The following GRID2 variants were observed in gnomAD, a reference collection of about 807,000 sequenced individuals.
GRID2 encodes the protein glutamate receptor ionotropic, delta-2.
A neutral mutation model predicts 114.8 loss-of-function variants in GRID2; 33 were observed. The ratio of observed to expected loss-of-function variants is 0.29; its 90% CI spans 0.22 to 0.38. GRID2 has a LOEUF of 0.38. Among genes scored for constraint, GRID2 ranks in the 10% least tolerant of loss-of-function variants. The pLI is 1.00. For synonymous variants in GRID2, 505 were observed against 449.9 expected, an observed-to-expected ratio of 1.12 and a Z score of -1.55; for missense variants, 1,184 against 1,257.7, an observed-to-expected ratio of 0.94 and a Z score of 0.89.
At chr4:92,981,233 A>T (rs1349789046) in intron 2 of GRID2, among the ~76,000 whole-genome samples, 1 of 152,074 alleles carries the variant, frequency 6.6e-6, no homozygotes, top group Non-Finnish European at 1.5e-5. Context: ...ATACGTCTTA[A>T]GATATTGACA....
intron 2 of GRID2, among the ~76,000 whole-genome samples, chr4:92,638,238 A>C (rs1414533034): frequency 6.6e-6 from 1 of 151,562 alleles, no homozygotes; most frequent in East Asian, 1.9e-4. Context: ...GCTGTTGCTC[A>C]CATTTTAAAT....
intron 1 of GRID2, among the ~76,000 whole-genome samples, chr4:92,566,956 T>G (rs984527932): frequency 6.6e-6 from 1 of 152,040 alleles, no homozygotes; most frequent in Non-Finnish European, 1.5e-5. Context: ...GAGATTTGTT[T>G]CACTGTGATT....
At chr4:93,378,397 T>C (rs1205719536) in intron 8 of GRID2, among the ~76,000 whole-genome samples, 1 of 152,086 alleles carries the variant, frequency 6.6e-6, no homozygotes, top group Non-Finnish European at 1.5e-5. Flanking sequence ...ATCTATATCC[T>C]ATAAGGAAAG....
At chr4:92,458,211 T>C (rs1721313094) in intron 1 of GRID2, among the ~76,000 whole-genome samples, 1 of 152,096 alleles carries the variant, frequency 6.6e-6, no homozygotes, top group African/African-American at 2.4e-5. Flanking sequence ...GAAGCTAAAT[T>C]TTGCAAAAAT....
intron 2 of GRID2, among the ~76,000 whole-genome samples, chr4:92,828,221 T>G (rs1283473327): frequency 6.6e-6 from 1 of 152,086 alleles, no homozygotes; most frequent in East Asian, 1.9e-4. Flanking sequence ...CCAGGTCCAC[T>G]TTGACTCTTC....
chr4:92,822,088 C>A, intron 2 of GRID2: 1 of 313,124 alleles, frequency 3.2e-6, no homozygotes, highest in Admixed American at 4.5e-5. Context: ...GGAGTCTCTG[C>A]CTTGCTGCAG....
intron 13 of GRID2, among the ~76,000 whole-genome samples, chr4:93,607,046 A>T (rs568822373): frequency 6.6e-6 from 1 of 152,104 alleles, no homozygotes; most frequent in Non-Finnish European, 1.5e-5. Flanking sequence ...CACACATGTA[A>T]TTTTCATAAA....
chr4:92,705,475 T>C (rs1734910166), intron 2 of GRID2, among the ~76,000 whole-genome samples: 1 of 152,206 alleles, frequency 6.6e-6, no homozygotes, highest in Non-Finnish European at 1.5e-5. Context: ...TTTGACACTC[T>C]GGGGCATACT....
At chr4:92,746,875 C>T (rs2149335452) in intron 2 of GRID2, among the ~76,000 whole-genome samples, 1 of 152,158 alleles carries the variant, frequency 6.6e-6, no homozygotes, top group Non-Finnish European at 1.5e-5. Context: ...TCCTTTAACC[C>T]ATCGGGCCTA....
At chr4:92,897,329 C>T (rs1228476229) in intron 2 of GRID2, among the ~76,000 whole-genome samples, 2 of 152,072 alleles carry the variant, frequency 1.3e-5, no homozygotes, top group African/African-American at 4.8e-5. Flanking sequence ...CTCTTTAATA[C>T]TATTCAGATT....
chr4:93,262,922 C>T (rs993888250), intron 8 of GRID2, among the ~76,000 whole-genome samples: 2 of 151,554 alleles, frequency 1.3e-5, no homozygotes, highest in Admixed American at 6.6e-5. Context: ...CCGTTTTACT[C>T]TTTCACCAGA....
chr4:93,560,244 A>AC (rs1560753746), intron 13 of GRID2, among the ~76,000 whole-genome samples: 1 of 150,360 alleles, frequency 6.7e-6, no homozygotes, highest in Non-Finnish European at 1.5e-5. Flanking sequence ...AAAAAAAAAA[A>AC]AAAAAAAAAC....
chr4:93,311,607 A>G (rs534546127), intron 8 of GRID2, among the ~76,000 whole-genome samples: 9 of 152,348 alleles, frequency 5.9e-5, no homozygotes, highest in South Asian at 2.1e-4. Context: ...GAGAGCATCA[A>G]TGAGAAAAGA....
At chr4:93,295,590 C>T (rs1471196030) in intron 8 of GRID2, among the ~76,000 whole-genome samples, 1 of 151,784 alleles carries the variant, frequency 6.6e-6, no homozygotes, top group African/African-American at 2.4e-5. Context: ...TCCTCTTCCT[C>T]CTCCTCCTCC....
chr4:92,607,955 A>G (rs921645883), intron 2 of GRID2, among the ~76,000 whole-genome samples: 16 of 151,930 alleles, frequency 1.1e-4, no homozygotes, highest in African/African-American at 3.9e-4. Context: ...GTAGAAAAAG[A>G]GGTGACTTAT....
rs376027207 is a variant in GRID2, at chr4:93,752,302, A to G, written c.2361-16908A>G. 4.6e-5 allele frequency among the ~76,000 whole-genome samples: 7 copies of G among 152,180 alleles called. No individual in the cohort carries two copies. The South Asian group carries it at 1.0e-3, about 23-fold the overall frequency. The stretch of plus-strand genomic sequence containing the variant: ...CATGTTATCTTGCCAGTACATAGTC[A>G]GGAAGTAATGATAACAGAATTTCAC... On this transcript the variant is annotated intron_variant, in intron 14 of 15. Coordinates refer to ENST00000282020, the MANE Select transcript of GRID2 (RefSeq NM_001510.4).
intron 8 of GRID2, among the ~76,000 whole-genome samples, chr4:93,328,525 T>C (rs1231342708): frequency 2.0e-5 from 3 of 152,218 alleles, no homozygotes; most frequent in Non-Finnish European, 2.9e-5. Context: ...TAATATCTTA[T>C]ACATATGAGT....
At chr4:92,421,875 A>T (rs142351031) in intron 1 of GRID2, among the ~76,000 whole-genome samples, 14 of 152,252 alleles carry the variant, frequency 9.2e-5, no homozygotes, top group African/African-American at 3.1e-4. Flanking sequence ...TCTGCAAGGG[A>T]TGCTTGGGAT....
chr4:92,547,346 G>A (rs573404490), intron 1 of GRID2, among the ~76,000 whole-genome samples: 37 of 152,120 alleles, frequency 2.4e-4, no homozygotes, highest in African/African-American at 8.2e-4. Flanking sequence ...ATATTTACAG[G>A]CACAGTTCAG....
Sources: allele counts gnomAD v4.1 joint callset (sites outside exome capture counted in the v4.1 genomes callset), GRCh38; gene constraint gnomAD v4.1.1; transcripts MANE v1.5; gene names NCBI Gene and HGNC (gene_info 2026-07-23, HGNC 2026-07-21).